EIF2AK3: variants seen among roughly 807,000 people sequenced by gnomAD.
EIF2AK3 encodes eukaryotic translation initiation factor 2 alpha kinase 3.
A neutral mutation model predicts 113.5 loss-of-function variants in EIF2AK3; 50 were observed. The observed-to-expected ratio is 0.44, with a 90% CI of 0.35 to 0.56. The LOEUF is 0.56. Among genes scored for constraint, EIF2AK3 ranks in the 20% least tolerant of loss-of-function variants. The pLI is 0.00. For missense variants in EIF2AK3, 1,185 were observed against 1,378.0 expected, an observed-to-expected ratio of 0.86 and a Z score of 2.22; for synonymous variants, 448 against 495.4, an observed-to-expected ratio of 0.90 and a Z score of 1.27.
chr2:88,559,542 G>GTGTGTGTA (rs373719647), intron 15 of EIF2AK3, among the ~76,000 whole-genome samples: 1 of 150,094 alleles, frequency 6.7e-6, no homozygotes, highest in Non-Finnish European at 1.5e-5. Context: ...GTGTGTGTGT[G>GTGTGTGTA]TATGTACATT....
intron 2 of EIF2AK3, among the ~76,000 whole-genome samples, chr2:88,606,379 A>C (rs1675278198): frequency 6.6e-6 from 1 of 152,222 alleles, no homozygotes; most frequent in Admixed American, 6.5e-5. Context: ...GGGATAAATT[A>C]GCTTAGTTCA....
intron 8 of EIF2AK3, among the ~76,000 whole-genome samples, chr2:88,586,595 CTTTTTTTTTT>C (rs533167763): frequency 8.3e-6 from 1 of 119,930 alleles, no homozygotes; most frequent in Admixed American, 8.3e-5. Flanking sequence ...TTTATCTTGC[CTTTTTTTTTT>C]TTTTTTTTTG....
Position 88,574,646 on chromosome 2 carries a change from G to GT in EIF2AK3, c.2817+19_2817+20insA. 6.2e-7 allele frequency: 1 copy of GT among 1,613,506 alleles called. No individual in the cohort carries two copies. Among genetic ancestry groups the GT allele is most frequent in the South Asian group, 1.1e-5 (1 of 91,018 alleles). On this transcript the variant is annotated intron_variant, in intron 13 of 16. Coordinates refer to ENST00000303236, the MANE Select transcript of EIF2AK3 (RefSeq NM_004836.7). ...AACGTCAGATTGAAACCCCAAGGGT[G>GT]ATGCTCCACAAATACAGACCTTGAG...
intron 2 of EIF2AK3, among the ~76,000 whole-genome samples, chr2:88,602,133 G>A (rs1407157186): frequency 6.6e-6 from 1 of 152,100 alleles, no homozygotes; most frequent in Admixed American, 6.5e-5. Context: ...TTACAGGCGT[G>A]AGCCACTACT....
chr2:88,607,829 C>T (rs1675328453), intron 2 of EIF2AK3, among the ~76,000 whole-genome samples: 1 of 152,192 alleles, frequency 6.6e-6, no homozygotes, highest in African/African-American at 2.4e-5. Flanking sequence ...TCAAAAATTT[C>T]TCCAGATAAT....
intron 14 of EIF2AK3, among the ~76,000 whole-genome samples, chr2:88,569,958 G>T (rs765401212): frequency 6.6e-6 from 1 of 151,012 alleles, no homozygotes; most frequent in Admixed American, 6.6e-5. Flanking sequence ...GAAGAATGTA[G>T]CACTTTTATA....
At chr2:88,568,992 G>A (rs1465942387) in intron 14 of EIF2AK3, among the ~76,000 whole-genome samples, 3 of 152,146 alleles carry the variant, frequency 2.0e-5, no homozygotes, top group Non-Finnish European at 2.9e-5. Flanking sequence ...CTAAGTTCAA[G>A]CAATTCTTGT....
chr2:88,611,357 A>G (rs543298737), intron 2 of EIF2AK3, among the ~76,000 whole-genome samples: 1 of 152,324 alleles, frequency 6.6e-6, no homozygotes, highest in African/African-American at 2.4e-5. Flanking sequence ...CATCGAGTAT[A>G]TGTTACAATG....
chr2:88,569,570 T>C (rs1376729604), intron 14 of EIF2AK3, among the ~76,000 whole-genome samples: 2 of 152,186 alleles, frequency 1.3e-5, no homozygotes, highest in African/African-American at 4.8e-5. Context: ...AAAGTGACTT[T>C]TTATATTACA....
In EIF2AK3 at chr2:88,585,967, C is replaced by G; in HGVS notation, c.1524G>C (p.Lys508Asn). The change falls in exon 9 of 17, where the codon AAG becomes AAC. Residue 508 changes from lysine (K) to asparagine (N), a missense_variant. Coordinates refer to ENST00000303236, the MANE Select transcript of EIF2AK3 (RefSeq NM_004836.7). ...VRFLDNPHYNKNIRKKDPVLL... is the reference protein window; with the variant it reads ...VRFLDNPHYNNNIRKKDPVLL... The stretch of plus-strand genomic sequence containing the variant: ...GAACAGGATCCTTTTTGCGGATATT[C>G]TTGTTGTAATGTGGGTTGTCGAGGA... 8 of 1,614,110 alleles carry G rather than the reference C, an allele frequency of 5.0e-6. No individual in the cohort carries two copies. The highest frequency in any genetic ancestry group is 6.8e-6 in the Non-Finnish European group (8 of 1,179,982).
Position 88,593,420 on chromosome 2 carries a change from T to G in EIF2AK3, c.634-15A>C. The G allele has an allele frequency of 4.3e-6, 7 of 1,613,336 alleles. No individual in the cohort carries two copies. In the South Asian group the frequency reaches 7.7e-5, roughly 18 times the overall value. Reference sequence around the variant, plus strand: ...ATATACCTCACCTGAAAAGACAAAATTAGATACAAAATTAGTAAAAGGAGA... The same window carrying G: ...ATATACCTCACCTGAAAAGACAAAAGTAGATACAAAATTAGTAAAAGGAGA... On this transcript the variant is annotated splice_polypyrimidine_tract_variant and intron_variant, in intron 3 of 16. Transcript: ENST00000303236.
Position 88,585,917 on chromosome 2 carries a change from A to G in EIF2AK3, c.1574T>C (p.Ile525Thr). Residue 525 changes from isoleucine (I) to threonine (T), a missense_variant, in exon 9 of 17, where the codon ATA (isoleucine) becomes ACA (threonine). Ile to Thr is a moderately conservative substitution (Grantham distance 89). Around this residue, in one of 3 missense-constraint regions of EIF2AK3, gnomAD observed 877 missense variants for 1,024.2 expected, o/e 0.86. Transcript: ENST00000303236. ...GATACAAAACAAAATCGTTGCAACT[A>G]TTTCTTTCCACCAGTGTAAAAGAAG... ...PVLLLHWWKE[I>T]VATILFCIIA... is the part of the protein sequence containing the mutation. The G allele has an allele frequency of 6.2e-7, 1 of 1,614,064 alleles. No individual in the cohort carries two copies. Among genetic ancestry groups the G allele is most frequent in the Non-Finnish European group, 8.5e-7 (1 of 1,179,974 alleles).
intron 15 of EIF2AK3, 30 bp from the exon 16 acceptor site, chr2:88,559,009 G>T: frequency 6.9e-7 from 1 of 1,451,858 alleles, no homozygotes; most frequent in Non-Finnish European, 9.6e-7. Flanking sequence ...CACTTATTAA[G>T]TTTATTTTGA....
Position 88,588,781 on chromosome 2 carries a change from A to ATTGTTGGTAAAGGAATAATTGCGTT in EIF2AK3, c.1261_1285dup (p.Ile429LysfsTer28). On this transcript the variant is annotated frameshift_variant, in exon 7 of 17. Coordinates refer to ENST00000303236, the MANE Select transcript of EIF2AK3 (RefSeq NM_004836.7). LOFTEE classifies it high-confidence loss of function. Reference sequence around the variant, plus strand: ...CTTACGAATTAAGGGTTTCCATTTGATTGTTGGTAAAGGAATAATTGCGTT... The same window carrying ATTGTTGGTAAAGGAATAATTGCGTT: ...CTTACGAATTAAGGGTTTCCATTTGATTGTTGGTAAAGGAATAATTGCGTTTTGTTGGTAAAGGAATAATTGCGTT... 6.2e-7 allele frequency: 1 copy of ATTGTTGGTAAAGGAATAATTGCGTT among 1,613,756 alleles called. No homozygotes were observed. The highest frequency in any genetic ancestry group is 8.5e-7 in the Non-Finnish European group (1 of 1,179,800).
intron 1 of EIF2AK3, among the ~76,000 whole-genome samples, chr2:88,624,077 C>T (rs1675799982): frequency 6.6e-6 from 1 of 151,952 alleles, no homozygotes; most frequent in South Asian, 2.1e-4. Flanking sequence ...CTGCAACCTC[C>T]GCCTCCCAGG....
At chr2:88,574,130 C>A (rs542496803) in intron 13 of EIF2AK3, among the ~76,000 whole-genome samples, 166 of 152,242 alleles carry the variant, frequency 1.1e-3, no homozygotes, top group Non-Finnish European at 2.0e-3. Flanking sequence ...CCCCATTCGG[C>A]TTCTTACCCC....
At position 88,595,511 on chromosome 2, in the gene EIF2AK3, T is replaced by A. The variant is rs1181186153; in HGVS notation, c.591A>T (p.Gly197=). 6.2e-7 allele frequency: 1 copy of A among 1,614,106 alleles called. No homozygotes were observed. Among genetic ancestry groups the A allele is most frequent in the Non-Finnish European group, 8.5e-7 (1 of 1,179,996 alleles). Residue 197 remains glycine, a synonymous_variant, in exon 3 of 17, where the codon GGA becomes GGT. Transcript: ENST00000303236. ...TGAGTCCATATGTAGTCAGAGATTT[T>A]CCTCCAACCAAAACAACATCATCTC... ...KFGDDVVLVG[G]KSLTTYGLSA...
At chr2:88,626,823 C>G in intron 1 of EIF2AK3, 144 bp downstream of exon 1, 3 of 1,167,038 alleles carry the variant, frequency 2.6e-6, no homozygotes, top group East Asian at 5.8e-5. Context: ...GTCGTGGCCC[C>G]GCGCTCGTCC....
chr2:88,606,420 A>G (rs1174856040), intron 2 of EIF2AK3, among the ~76,000 whole-genome samples: 3 of 152,212 alleles, frequency 2.0e-5, no homozygotes, highest in African/African-American at 7.2e-5. Flanking sequence ...CTAAGGGATT[A>G]ATATAACAAA....
Sources: allele counts gnomAD v4.1 joint callset (sites outside exome capture counted in the v4.1 genomes callset), GRCh38; gene constraint gnomAD v4.1.1; regional missense constraint gnomAD v4.1.1; transcripts MANE v1.5; gene names NCBI Gene and HGNC (gene_info 2026-07-23, HGNC 2026-07-21).